Variants in LAMA3 observed in about 807,000 individuals in gnomAD.
LAMA3 encodes laminin subunit alpha 3, also known as laminin subunit alpha-3.
LAMA3 carries 281 observed loss-of-function variants against 402.0 expected under a neutral mutation model. The observed-to-expected ratio is 0.70, with a 90% CI of 0.63 to 0.77. LAMA3 has a LOEUF of 0.77. Ranked by LOEUF, LAMA3 falls within the 30% of genes least tolerant of loss-of-function variation. LAMA3 has a pLI of 0.00. For synonymous variants in LAMA3, 1,431 were observed against 1,558.4 expected, an observed-to-expected ratio of 0.92 and a Z score of 1.93; for missense variants, 3,840 against 4,215.5, an observed-to-expected ratio of 0.91 and a Z score of 2.47.
At chr18:23,822,988 CAG>C (rs1046519569) in intron 20 of LAMA3, among the ~76,000 whole-genome samples, 3 of 152,172 alleles carry the variant, frequency 2.0e-5, no homozygotes, top group African/African-American at 7.2e-5. Flanking sequence ...GTCCTGGAAA[CAG>C]ATTCCAAGAA....
At chr18:23,901,379 G>A (rs1419829652) in intron 48 of LAMA3, 56 bp downstream of exon 48, 2 of 1,413,110 alleles carry the variant, frequency 1.4e-6, no homozygotes, top group African/African-American at 2.8e-5. Context: ...GAGAAGCAGG[G>A]ATCTTTATTA....
chr18:23,939,844 G>A (rs866016321), intron 68 of LAMA3, among the ~76,000 whole-genome samples: 2 of 152,114 alleles, frequency 1.3e-5, no homozygotes, highest in South Asian at 2.1e-4. Context: ...TTGGGGAGGC[G>A]GGAATGAGCA....
At chr18:23,725,667 C>T (rs180757377) in intron 2 of LAMA3, among the ~76,000 whole-genome samples, 3 of 152,306 alleles carry the variant, frequency 2.0e-5, no homozygotes, top group Admixed American at 2.0e-4. Context: ...GACCATCCTG[C>T]CTCCCCAGGA....
intron 12 of LAMA3, among the ~76,000 whole-genome samples, chr18:23,798,834 T>C (rs567009616): frequency 2.0e-5 from 3 of 152,290 alleles, no homozygotes. Context: ...TCATGGGCAA[T>C]AAGAGCATCC....
At chr18:23,811,905 G>A (rs367980053) in intron 13 of LAMA3, among the ~76,000 whole-genome samples, 48 of 151,630 alleles carry the variant, frequency 3.2e-4, no homozygotes, top group African/African-American at 1.1e-3. Flanking sequence ...ACAGAGTCTC[G>A]CTCTGTCCCC....
At chr18:23,905,696 C>T (rs2081224380) in intron 52 of LAMA3, 72 bp downstream of exon 52, 11 of 816,834 alleles carry the variant, frequency 1.3e-5, no homozygotes, top group Non-Finnish European at 2.1e-5. Context: ...GGTGGGGCAG[C>T]CCTAGAAGCA....
chr18:23,754,099 T>G (rs1322310510), intron 6 of LAMA3, among the ~76,000 whole-genome samples: 1 of 152,182 alleles, frequency 6.6e-6, no homozygotes, highest in Non-Finnish European at 1.5e-5. Flanking sequence ...AGCCAATTGA[T>G]TAGAGCTGGC....
intron 34 of LAMA3, 102 bp from the exon 35 acceptor site, chr18:23,861,544 G>A: frequency 1.5e-6 from 2 of 1,344,520 alleles, no homozygotes; most frequent in Admixed American, 1.8e-5. Context: ...TCTGAGGCAA[G>A]GAGGCTGCCC....
intron 19 of LAMA3, 129 bp downstream of exon 19, chr18:23,820,126 T>G (rs1422405180): frequency 2.1e-6 from 2 of 945,226 alleles, no homozygotes; most frequent in Admixed American, 4.0e-5. Context: ...CTCTATATTA[T>G]GGGTTGGCAT....
Position 23,835,400 on chromosome 18 carries a change from CAAAG to C in LAMA3, c.2984+1421_2984+1424del, listed in dbSNP as rs566205273. Among the ~76,000 whole-genome samples, 18 of 152,218 alleles carry C rather than the reference CAAAG, an allele frequency of 1.2e-4. No homozygotes were observed. In the South Asian group the frequency reaches 3.7e-3, roughly 32 times the overall value. ...CCAAGGAGAGGAGTGGTTTCAAAAC[CAAAG>C]AAAGAAAGGACACCCTTTCTGGGCA... On this transcript the variant is annotated intron_variant, in intron 24 of 74. Coordinates refer to ENST00000313654, the MANE Select transcript of LAMA3 (RefSeq NM_198129.4).
intron 2 of LAMA3, among the ~76,000 whole-genome samples, chr18:23,734,121 C>A (rs183362511): frequency 6.6e-6 from 1 of 152,366 alleles, no homozygotes; most frequent in Non-Finnish European, 1.5e-5. Context: ...GCCGTCTCAA[C>A]TTCTACCACC....
chr18:23,935,560 G>A (rs1466431661), intron 67 of LAMA3, among the ~76,000 whole-genome samples: 1 of 152,196 alleles, frequency 6.6e-6, no homozygotes, highest in African/African-American at 2.4e-5. Context: ...TCTGGAGTCA[G>A]ACTTCCTGGG....
At chr18:23,953,792 C>T (rs1212791362) in intron 74 of LAMA3, among the ~76,000 whole-genome samples, 3 of 152,120 alleles carry the variant, frequency 2.0e-5, no homozygotes, top group South Asian at 2.1e-4. Context: ...TTTTGGGGAC[C>T]GGACTGGGAG....
Position 23,872,476 on chromosome 18 carries a change from A to G in LAMA3, c.4998+815A>G, listed in dbSNP as rs138428888. On this transcript the variant is annotated intron_variant, in intron 38 of 74. Coordinates refer to ENST00000313654, the MANE Select transcript of LAMA3 (RefSeq NM_198129.4). ...AACACTCATTCTGTGTATTCCATAC[A>G]TCCATAAGTACGTAGGCTTAGCAAA... Among the ~76,000 whole-genome samples the G allele has an allele frequency of 2.6e-4, 39 of 152,324 alleles. No individual in the cohort carries two copies. In the East Asian group the frequency reaches 5.0e-3, roughly 20 times the overall value.
intron 2 of LAMA3, among the ~76,000 whole-genome samples, chr18:23,736,957 C>T (rs998369920): frequency 5.3e-5 from 8 of 152,186 alleles, no homozygotes; most frequent in African/African-American, 1.9e-4. Context: ...AGACTGCATT[C>T]CCCTAGAAGT....
chr18:23,944,280 C>T (rs985568916), intron 69 of LAMA3, among the ~76,000 whole-genome samples: 3 of 152,204 alleles, frequency 2.0e-5, no homozygotes, highest in African/African-American at 7.2e-5. Flanking sequence ...CATTTCTTCC[C>T]CTTATGGCCA....
intron 56 of LAMA3, 41 bp downstream of exon 56, chr18:23,912,922 G>GC (rs1568335641): frequency 4.4e-6 from 7 of 1,576,942 alleles, no homozygotes; most frequent in Non-Finnish European, 6.1e-6. Flanking sequence ...TTGAAACAAT[G>GC]TTTTTCGAGA....
intron 52 of LAMA3, among the ~76,000 whole-genome samples, chr18:23,906,847 G>A (rs1418035361): frequency 1.3e-5 from 2 of 152,176 alleles, no homozygotes; most frequent in Non-Finnish European, 2.9e-5. Flanking sequence ...ATGTTGCTAT[G>A]TAAACCAGTC....
Position 23,951,093 on chromosome 18 carries a change from T to C in LAMA3, c.9643-591T>C, listed in dbSNP as rs72875940. Among the ~76,000 whole-genome samples the C allele has an allele frequency of 7.9e-3, 1,202 of 152,334 alleles. 9 individuals carry two copies. The highest frequency in any genetic ancestry group is 0.071 in the Middle Eastern group (21 of 294). On this transcript the variant is annotated intron_variant, in intron 72 of 74. Transcript: ENST00000313654. ...AACACACTTATTTTAGTCCTCTCAT[T>C]TCATTCCCCTTGATTCAACTCTTGG... is the stretch of plus-strand genomic sequence containing the variant.
Sources: allele counts gnomAD v4.1 joint callset (sites outside exome capture counted in the v4.1 genomes callset), GRCh38; gene constraint gnomAD v4.1.1; transcripts MANE v1.5; gene names NCBI Gene and HGNC (gene_info 2026-07-23, HGNC 2026-07-21).